The following DPYD variants were observed in gnomAD, a reference collection of about 807,000 sequenced individuals.
DPYD encodes the protein dihydropyrimidine dehydrogenase.
A neutral mutation model predicts 116.2 loss-of-function variants in DPYD; 109 were observed. That is an observed-to-expected ratio of 0.94 (90% CI 0.80 to 1.10). The LOEUF (loss-of-function observed/expected upper bound fraction) is 1.10, where lower values mean the gene tolerates loss of function less well. Among genes scored for constraint, DPYD ranks in the 50% least tolerant of loss-of-function variants. The pLI, the probability that DPYD is intolerant of heterozygous loss-of-function variation, is 0.00. For synonymous variants in DPYD, 440 were observed against 432.0 expected, an observed-to-expected ratio of 1.02 and a Z score of -0.23; for missense variants, 1,302 against 1,254.5, an observed-to-expected ratio of 1.04 and a Z score of -0.57.
chr1:97,899,542 A>T (rs996318021), intron 1 of DPYD, among the ~76,000 whole-genome samples: 3 of 151,802 alleles, frequency 2.0e-5, no homozygotes, highest in African/African-American at 7.2e-5. Flanking sequence ...TTGTGCCTGG[A>T]GGTGGTCTTG....
intron 16 of DPYD, among the ~76,000 whole-genome samples, chr1:97,333,286 C>T (rs1669114794): frequency 6.6e-6 from 1 of 151,630 alleles, no homozygotes; most frequent in Non-Finnish European, 1.5e-5. Context: ...GTAATACACC[C>T]TTCTTGCCCA....
intron 16 of DPYD, among the ~76,000 whole-genome samples, chr1:97,334,735 A>G (rs548147370): frequency 6.6e-6 from 1 of 152,344 alleles, no homozygotes; most frequent in Non-Finnish European, 1.5e-5. Context: ...ATAAATTATA[A>G]TTATAAGATC....
intron 16 of DPYD, among the ~76,000 whole-genome samples, chr1:97,354,491 A>T (rs999715663): frequency 5.9e-5 from 9 of 152,190 alleles, no homozygotes; most frequent in African/African-American, 1.9e-4. Context: ...AGATCACAGA[A>T]AATTGTTAAT....
At chr1:97,346,697 G>C (rs1291582309) in intron 16 of DPYD, among the ~76,000 whole-genome samples, 2 of 151,692 alleles carry the variant, frequency 1.3e-5, no homozygotes, top group Non-Finnish European at 3.0e-5. Flanking sequence ...TTAGTTAATA[G>C]TTCAAAATTT....
At chr1:97,690,649 T>C (rs1660965571) in intron 7 of DPYD, among the ~76,000 whole-genome samples, 1 of 152,024 alleles carries the variant, frequency 6.6e-6, no homozygotes, top group Non-Finnish European at 1.5e-5. Flanking sequence ...GAGAAGAACT[T>C]GTATTCAAAA....
rs147049391 is a variant in DPYD, at chr1:97,792,203, C to T, written c.233+35911G>A. On this transcript the variant is annotated intron_variant, in intron 3 of 22. Transcript: ENST00000370192. ...AGACCTTAATCATAGATACTCCTGA[C>T]GCCAAACTAGTCATATGGCCTTGCC... Among the ~76,000 whole-genome samples, 1,053 of 152,200 alleles carry T rather than the reference C, an allele frequency of 6.9e-3. 7 individuals are homozygous for T. The highest frequency in any genetic ancestry group is 0.012 in the Non-Finnish European group (791 of 68,006).
intron 5 of DPYD, among the ~76,000 whole-genome samples, chr1:97,701,496 AG>A (rs1294862658): frequency 4.0e-5 from 6 of 151,734 alleles, no homozygotes; most frequent in African/African-American, 1.4e-4. Context: ...TGGCTCACAC[AG>A]TTGCTTGCAT....
intron 8 of DPYD, among the ~76,000 whole-genome samples, chr1:97,665,678 G>A (rs1659516193): frequency 6.6e-6 from 1 of 152,136 alleles, no homozygotes; most frequent in Non-Finnish European, 1.5e-5. Context: ...ATTCAGATGA[G>A]TCTATCTTTA....
chr1:97,876,946 C>T (rs188628508), intron 2 of DPYD, among the ~76,000 whole-genome samples: 181 of 151,976 alleles, frequency 1.2e-3, no homozygotes, highest in South Asian at 6.2e-3. Flanking sequence ...AAATGAGGAC[C>T]AAAAGCAAAG....
rs78286597 is a variant in DPYD, at chr1:97,291,960, T to C, written c.2299+13299A>G. Among the ~76,000 whole-genome samples, 1,061 of 152,304 alleles carry C rather than the reference T, an allele frequency of 7.0e-3. 22 individuals carry two copies. The highest frequency in any genetic ancestry group is 0.024 in the African/African-American group (999 of 41,558). ...TATATATTTTTCATTTCATTCTCCT[T>C]AAAACAAACATTTTAAATTTTTTTT... On this transcript the variant is annotated intron_variant, in intron 18 of 22. Coordinates refer to ENST00000370192, the MANE Select transcript of DPYD (RefSeq NM_000110.4).
At chr1:97,607,832 C>T (rs1307837648) in intron 8 of DPYD, among the ~76,000 whole-genome samples, 1 of 151,834 alleles carries the variant, frequency 6.6e-6, no homozygotes, top group African/African-American at 2.4e-5. Context: ...AAAGCACAAA[C>T]AGTGTTCAAA....
chr1:97,561,956 C>T (rs1459303037), intron 11 of DPYD, among the ~76,000 whole-genome samples: 2 of 152,174 alleles, frequency 1.3e-5, no homozygotes, highest in African/African-American at 4.8e-5. Context: ...ATCTGTTTCT[C>T]CTGAGTCACT....
At chr1:97,701,218 A>G (rs1284545668) in intron 5 of DPYD, among the ~76,000 whole-genome samples, 2 of 148,244 alleles carry the variant, frequency 1.3e-5, no homozygotes, top group East Asian at 2.0e-4. Flanking sequence ...TATGAAATAT[A>G]TATATACCAA....
intron 3 of DPYD, among the ~76,000 whole-genome samples, chr1:97,760,393 G>C (rs1665506613): frequency 6.6e-6 from 1 of 151,754 alleles, no homozygotes; most frequent in South Asian, 2.1e-4. Context: ...AAACTGTAAA[G>C]CAAAATATTC....
chr1:97,128,982 G>A (rs142559978), intron 20 of DPYD, among the ~76,000 whole-genome samples: 1 of 152,030 alleles, frequency 6.6e-6, no homozygotes, highest in East Asian at 1.9e-4. Flanking sequence ...GTCCAAGCCG[G>A]AGCTTGCAAC....
At chr1:97,656,031 T>C (rs763540117) in intron 8 of DPYD, among the ~76,000 whole-genome samples, 5 of 152,202 alleles carry the variant, frequency 3.3e-5, no homozygotes, top group Non-Finnish European at 2.9e-5. Flanking sequence ...CTTTTCAAAA[T>C]ACCTACATTT....
chr1:97,759,382 T>C (rs904963167), intron 3 of DPYD, among the ~76,000 whole-genome samples: 21 of 152,132 alleles, frequency 1.4e-4, no homozygotes, highest in Admixed American at 1.2e-3. Flanking sequence ...TTACTGCCCA[T>C]TTAGCTTTTA....
At chr1:97,131,780 G>A (rs1020776839) in intron 20 of DPYD, among the ~76,000 whole-genome samples, 1 of 152,036 alleles carries the variant, frequency 6.6e-6, no homozygotes, top group African/African-American at 2.4e-5. Flanking sequence ...AGGCATCCAG[G>A]TCCTAACAGG....
At chr1:97,166,560 A>C (rs1267851532) in intron 20 of DPYD, among the ~76,000 whole-genome samples, 1 of 152,166 alleles carries the variant, frequency 6.6e-6, no homozygotes, top group Non-Finnish European at 1.5e-5. Context: ...ACTAAAATAA[A>C]AGTTTTAAAA....
Sources: gnomAD v4.1 joint callset for allele counts (sites outside exome capture counted in the v4.1 genomes callset) on GRCh38, gnomAD v4.1.1 for gene constraint, MANE v1.5 for transcripts, NCBI Gene and HGNC (gene_info 2026-07-23, HGNC 2026-07-21) for gene names.